Variants in GALNTL6 observed in about 807,000 individuals in gnomAD.
GALNTL6 encodes the protein polypeptide N-acetylgalactosaminyltransferase like 6.
Under a neutral mutation model 73.7 loss-of-function variants are expected in GALNTL6, and 46 were observed. The ratio of observed to expected loss-of-function variants is 0.62; its 90% CI spans 0.49 to 0.80. The LOEUF (loss-of-function observed/expected upper bound fraction) is 0.80, where lower values mean the gene tolerates loss of function less well. Among genes scored for constraint, GALNTL6 ranks in the 30% least tolerant of loss-of-function variants. The probability of loss-of-function intolerance (pLI) is 0.00; values close to 1 mark genes in which losing one functional copy is unlikely to be tolerated. For synonymous variants in GALNTL6, 259 were observed against 263.7 expected (o/e 0.98, Z 0.17); for missense variants, 604 against 755.0 (o/e 0.80, Z 2.34).
intron 2 of GALNTL6, among the ~76,000 whole-genome samples, chr4:172,147,921 A>T (rs1475545671): frequency 6.6e-6 from 1 of 152,100 alleles, no homozygotes; most frequent in Non-Finnish European, 1.5e-5. Context: ...AGCATTGTGA[A>T]TAAACTTCTC....
chr4:172,968,782 A>T (rs1402749833), intron 10 of GALNTL6, among the ~76,000 whole-genome samples: 1 of 152,134 alleles, frequency 6.6e-6, no homozygotes, highest in Admixed American at 6.6e-5. Context: ...TAAAAAGGCC[A>T]TTTTTTTAAT....
At chr4:172,644,763 AG>A (rs1409201617) in intron 5 of GALNTL6, among the ~76,000 whole-genome samples, 6 of 151,886 alleles carry the variant, frequency 4.0e-5, no homozygotes, top group African/African-American at 1.4e-4. Context: ...TGATATTGCT[AG>A]GTCCTATGGT....
intron 8 of GALNTL6, among the ~76,000 whole-genome samples, chr4:172,924,935 G>T (rs1003663211): frequency 6.6e-6 from 1 of 152,086 alleles, no homozygotes; most frequent in African/African-American, 2.4e-5. Context: ...GCAGTGGCGC[G>T]ATCTCGGCTC....
intron 2 of GALNTL6, among the ~76,000 whole-genome samples, chr4:172,145,134 A>G (rs192730255): frequency 6.6e-6 from 1 of 151,680 alleles, no homozygotes; most frequent in East Asian, 1.9e-4. Context: ...ATTTATTATT[A>G]TTATTATCAT....
At chr4:172,200,508 A>G (rs1735918441) in intron 2 of GALNTL6, among the ~76,000 whole-genome samples, 1 of 152,258 alleles carries the variant, frequency 6.6e-6, no homozygotes, top group African/African-American at 2.4e-5. Flanking sequence ...AAGTGGCACC[A>G]GAAAATATTG....
intron 3 of GALNTL6, among the ~76,000 whole-genome samples, chr4:172,265,241 G>C (rs1301067954): frequency 1.3e-5 from 2 of 151,952 alleles, no homozygotes; most frequent in Non-Finnish European, 2.9e-5. Flanking sequence ...GGGCAAACCA[G>C]AGACGTATTA....
chr4:171,941,426 G>C (rs1738541256), intron 2 of GALNTL6, among the ~76,000 whole-genome samples: 1 of 152,162 alleles, frequency 6.6e-6, no homozygotes, highest in Non-Finnish European at 1.5e-5. Context: ...TTTCCCCCTT[G>C]ATGCCCAGTG....
At chr4:172,475,208 G>T (rs1327687435) in intron 5 of GALNTL6, among the ~76,000 whole-genome samples, 1 of 152,112 alleles carries the variant, frequency 6.6e-6, no homozygotes, top group Non-Finnish European at 1.5e-5. Flanking sequence ...TTCAGACAGT[G>T]TTTTTATTTG....
chr4:172,025,603 T>C (rs1255371703), intron 2 of GALNTL6, among the ~76,000 whole-genome samples: 1 of 152,080 alleles, frequency 6.6e-6, no homozygotes, highest in Non-Finnish European at 1.5e-5. Flanking sequence ...TTGAAACTTA[T>C]TTTTAACATG....
chr4:172,095,170 CA>C (rs1186990054), intron 2 of GALNTL6, among the ~76,000 whole-genome samples: 1 of 133,590 alleles, frequency 7.5e-6, no homozygotes, highest in Admixed American at 8.5e-5. Flanking sequence ...AAAATAATGT[CA>C]AAAAATTATG....
At chr4:171,875,426 C>T (rs1266785498) in intron 2 of GALNTL6, among the ~76,000 whole-genome samples, 1 of 152,088 alleles carries the variant, frequency 6.6e-6, no homozygotes, top group African/African-American at 2.4e-5. Context: ...TGTCTTAAGT[C>T]TTTGCCTTGT....
chr4:172,687,625 C>A (rs76239825), intron 5 of GALNTL6, among the ~76,000 whole-genome samples: 70 of 129,016 alleles, frequency 5.4e-4, no homozygotes, highest in African/African-American at 1.3e-3. Flanking sequence ...AAGACTGTCT[C>A]AAAAAAAAAA....
intron 5 of GALNTL6, among the ~76,000 whole-genome samples, chr4:172,412,296 C>T (rs1482487872): frequency 6.6e-6 from 1 of 152,168 alleles, no homozygotes; most frequent in African/African-American, 2.4e-5. Flanking sequence ...CTCACCTTGG[C>T]CTCCCAAAGT....
At position 172,070,129 on chromosome 4, in the gene GALNTL6, G is replaced by A. The variant is rs1293444023; in HGVS notation, c.139-159527G>A. Among the ~76,000 whole-genome samples the A allele has an allele frequency of 1.8e-5, 2 of 109,180 alleles. 1 individual carries two copies. The highest frequency in any genetic ancestry group is 4.1e-5 in the Non-Finnish European group (2 of 49,204). 71.6% of individuals were successfully genotyped at this position (109,180 alleles called of 152,430 possible). On this transcript the variant is annotated intron_variant, in intron 2 of 12. Coordinates refer to ENST00000506823, the MANE Select transcript of GALNTL6 (RefSeq NM_001034845.3). Reference sequence around the variant, plus strand: ...TGCTATTCTAGAAGTGGTGTGTTCTGAAAACGGAAAGGATGCATTCTGGCT... The same window carrying A: ...TGCTATTCTAGAAGTGGTGTGTTCTAAAAACGGAAAGGATGCATTCTGGCT...
chr4:172,774,352 A>G (rs1388490093), intron 5 of GALNTL6, among the ~76,000 whole-genome samples: 1 of 152,122 alleles, frequency 6.6e-6, no homozygotes, highest in African/African-American at 2.4e-5. Flanking sequence ...TATCCCTTTG[A>G]TTGGGGGGTG....
intron 5 of GALNTL6, among the ~76,000 whole-genome samples, chr4:172,552,417 TC>T (rs1380201172): frequency 2.0e-5 from 3 of 152,144 alleles, no homozygotes; most frequent in African/African-American, 7.2e-5. Context: ...ATATATTTTT[TC>T]TGCTGAACTA....
At chr4:172,497,999 T>TC (rs1415160600) in intron 5 of GALNTL6, among the ~76,000 whole-genome samples, 2 of 147,596 alleles carry the variant, frequency 1.4e-5, no homozygotes, top group Admixed American at 1.4e-4. Context: ...TTCTTTTTTT[T>TC]TTGTTTTTTT....
intron 3 of GALNTL6, among the ~76,000 whole-genome samples, chr4:172,306,761 G>T (rs1016389297): frequency 2.0e-5 from 3 of 152,150 alleles, no homozygotes; most frequent in Non-Finnish European, 2.9e-5. Context: ...ATGGTCTACA[G>T]CTCCATACAG....
intron 5 of GALNTL6, among the ~76,000 whole-genome samples, chr4:172,740,692 T>G (rs1157130424): frequency 6.6e-6 from 1 of 150,668 alleles, no homozygotes; most frequent in Non-Finnish European, 1.5e-5. Context: ...TGTGTGGGAT[T>G]TTTTTTCTTT....
Sources: gnomAD v4.1 joint callset for allele counts (sites outside exome capture counted in the v4.1 genomes callset) on GRCh38, gnomAD v4.1.1 for gene constraint, MANE v1.5 for transcripts, NCBI Gene and HGNC (gene_info 2026-07-23, HGNC 2026-07-21) for gene names.